The following ABLIM1 variants were observed in gnomAD, a reference collection of about 807,000 sequenced individuals.
ABLIM1 encodes actin-binding LIM protein 1.
ABLIM1 carries 40 observed loss-of-function variants against 107.0 expected under a neutral mutation model. The observed-to-expected ratio is 0.37, with a 90% confidence interval of 0.29 to 0.49. ABLIM1 has a LOEUF of 0.49. Ranked by LOEUF, ABLIM1 falls within the 20% of genes least tolerant of loss-of-function variation. The probability of loss-of-function intolerance (pLI) is 0.97; values close to 1 mark genes in which losing one functional copy is unlikely to be tolerated. For synonymous variants in ABLIM1, 357 were observed against 357.3 expected (o/e 1.00, Z 0.01); for missense variants, 857 against 1,008.5 (o/e 0.85, Z 2.04).
At chr10:114,701,760 CAAAG>C (rs1288141347) in intron 1 of ABLIM1, among the ~76,000 whole-genome samples, 2 of 152,088 alleles carry the variant, frequency 1.3e-5, no homozygotes, top group Non-Finnish European at 2.9e-5. Context: ...GATTCACTGA[CAAAG>C]AACACAAGAG....
the ABLIM1 span, among the ~76,000 whole-genome samples, chr10:114,797,854 C>T: frequency 6.6e-6 from 1 of 152,096 alleles, no homozygotes; most frequent in East Asian, 1.9e-4. Flanking sequence ...CTAAATATTC[C>T]ACTCTGTGAC....
chr10:114,710,692 G>C (rs1218767862), intron 1 of ABLIM1, among the ~76,000 whole-genome samples: 1 of 152,172 alleles, frequency 6.6e-6, no homozygotes, highest in Non-Finnish European at 1.5e-5. Context: ...GGGGTGGGAG[G>C]ATTGCTTGAG....
At chr10:114,505,959 A>C (rs932882008) in intron 6 of ABLIM1, among the ~76,000 whole-genome samples, 2 of 152,212 alleles carry the variant, frequency 1.3e-5, no homozygotes, top group Non-Finnish European at 2.9e-5. Flanking sequence ...GAATGATCCC[A>C]TCACCCAGGT....
At chr10:114,732,395 T>G (rs193047869) in intron 1 of ABLIM1, among the ~76,000 whole-genome samples, 43 of 152,226 alleles carry the variant, frequency 2.8e-4, no homozygotes, top group African/African-American at 9.9e-4. Flanking sequence ...TCAAGTCCCT[T>G]GCAAATTTTA....
the ABLIM1 span, among the ~76,000 whole-genome samples, chr10:114,799,224 C>G: frequency 1.3e-5 from 2 of 152,222 alleles, no homozygotes; most frequent in African/African-American, 4.8e-5. Context: ...TTCCCAGCCT[C>G]CAAATCTTGG....
chr10:114,618,775 G>A (rs557340288), intron 1 of ABLIM1, among the ~76,000 whole-genome samples: 1 of 152,314 alleles, frequency 6.6e-6, no homozygotes, highest in African/African-American at 2.4e-5. Flanking sequence ...GTTGACTGCC[G>A]ACTCTCTGGC....
At chr10:114,436,803 T>C (rs906111174) in intron 22 of ABLIM1, among the ~76,000 whole-genome samples, 3 of 152,058 alleles carry the variant, frequency 2.0e-5, no homozygotes, top group Non-Finnish European at 4.4e-5. Context: ...GTAAGGTGGA[T>C]GTCTGTTCTA....
chr10:114,630,925 T>A (rs2078133615), intron 1 of ABLIM1, among the ~76,000 whole-genome samples: 2 of 152,156 alleles, frequency 1.3e-5, no homozygotes, highest in Non-Finnish European at 2.9e-5. Flanking sequence ...AGAAAAATGA[T>A]CATAGAATGA....
In ABLIM1 at chr10:114,479,953, T is replaced by C. The variant is rs988318204; in HGVS notation, c.1042-5997A>G. ...ATAATTTGCTGTTATGGCTAAGATA[T>C]CTTCAAAAGGCTCAGAGCTGTTCTC... On this transcript the variant is annotated intron_variant, in intron 8 of 22. Coordinates refer to ENST00000533213, the MANE Select transcript of ABLIM1 (RefSeq NM_002313.7). Among the ~76,000 whole-genome samples, 5 of 152,346 alleles carry C rather than the reference T, an allele frequency of 3.3e-5. No homozygotes were observed. The South Asian group carries it at 6.2e-4, about 19-fold the overall frequency.
chr10:114,628,851 A>T (rs2077988469), intron 1 of ABLIM1, among the ~76,000 whole-genome samples: 1 of 152,190 alleles, frequency 6.6e-6, no homozygotes, highest in East Asian at 1.9e-4. Context: ...TTGCACTATA[A>T]CACCCATTAG....
At chr10:114,504,549 G>A (rs542147265) in intron 6 of ABLIM1, among the ~76,000 whole-genome samples, 1 of 152,052 alleles carries the variant, frequency 6.6e-6, no homozygotes, top group Non-Finnish European at 1.5e-5. Flanking sequence ...GCCATCCCTT[G>A]AAAAATAGCA....
intron 1 of ABLIM1, among the ~76,000 whole-genome samples, chr10:114,651,547 G>C (rs545246790): frequency 6.6e-6 from 1 of 152,160 alleles, no homozygotes; most frequent in African/African-American, 2.4e-5. Flanking sequence ...AGACTGATGC[G>C]GGTGTTTGGG....
chr10:114,439,582 C>G, intron 20 of ABLIM1: 1 of 410,538 alleles, frequency 2.4e-6, no homozygotes, highest in Non-Finnish European at 4.4e-6. Context: ...ATTTTCTATG[C>G]ATTTTTCTTC....
At chr10:114,479,176 A>C (rs2056959760) in intron 8 of ABLIM1, among the ~76,000 whole-genome samples, 1 of 152,220 alleles carries the variant, frequency 6.6e-6, no homozygotes, top group Non-Finnish European at 1.5e-5. Flanking sequence ...ACAGGGTTAA[A>C]TGAGAGGATG....
chr10:114,674,495 G>T (rs1198139134), intron 1 of ABLIM1, among the ~76,000 whole-genome samples: 2 of 152,152 alleles, frequency 1.3e-5, no homozygotes, highest in Non-Finnish European at 2.9e-5. Flanking sequence ...TTGGGTTCAA[G>T]CTCTGGCTCC....
chr10:114,604,231 GC>G (rs1403599533), intron 1 of ABLIM1, among the ~76,000 whole-genome samples: 1 of 152,186 alleles, frequency 6.6e-6, no homozygotes. Context: ...AGCAGAGGAA[GC>G]TGAAAGATCC....
At chr10:114,750,463 A>G (rs1296947062) in intron 1 of ABLIM1, among the ~76,000 whole-genome samples, 1 of 152,250 alleles carries the variant, frequency 6.6e-6, no homozygotes, top group Non-Finnish European at 1.5e-5. Flanking sequence ...ACAGCTTAGG[A>G]AAGTAAAAAG....
rs180787475 is a variant in ABLIM1, at chr10:114,528,294, A to G, written c.894+16711T>C. Among the ~76,000 whole-genome samples the G allele has an allele frequency of 1.9e-3, 284 of 152,290 alleles. 2 individuals are homozygous for G. Among genetic ancestry groups the G allele is most frequent in the African/African-American group, 6.6e-3 (274 of 41,572 alleles). ...CACGTTTGTCATTTTTAAGAAGACT[A>G]GGATGATTTACGAAATTTTTTAGGG... is the stretch of plus-strand genomic sequence containing the variant. On this transcript the variant is annotated intron_variant, in intron 6 of 22. Coordinates refer to ENST00000533213, the MANE Select transcript of ABLIM1 (RefSeq NM_002313.7).
intron 1 of ABLIM1, among the ~76,000 whole-genome samples, chr10:114,737,044 C>G (rs528394480): frequency 4.6e-5 from 7 of 152,190 alleles, no homozygotes; most frequent in African/African-American, 1.4e-4. Flanking sequence ...TAAAAATTAG[C>G]TGGGTGTAAT....
Sources: gnomAD v4.1 joint callset for allele counts (sites outside exome capture counted in the v4.1 genomes callset) on GRCh38, gnomAD v4.1.1 for gene constraint, MANE v1.5 for transcripts, NCBI Gene and HGNC (gene_info 2026-07-23, HGNC 2026-07-21) for gene names.